The following ZNF121 variants were observed in gnomAD, a reference collection of about 807,000 sequenced individuals.
ZNF121 encodes the protein zinc finger protein 121.
In ZNF121, 1 loss-of-function variant was observed where a neutral mutation model predicts 2.4. That is an observed-to-expected ratio of 0.41 (90% CI 0.15 to 1.94). The LOEUF (loss-of-function observed/expected upper bound fraction) is 1.94. Ranked by LOEUF, ZNF121 falls within the 30% of genes most tolerant of loss-of-function variation. The probability of loss-of-function intolerance (pLI) is 0.30; values close to 1 mark genes in which losing one functional copy is unlikely to be tolerated. For missense variants in ZNF121, 369 were observed against 466.3 expected, an observed-to-expected ratio of 0.79 and a Z score of 1.92; for synonymous variants, 173 against 158.6, an observed-to-expected ratio of 1.09 and a Z score of -0.68.
rs1272909258 is a variant in ZNF121 at position 9,562,447 on chromosome 19, A to G, written c.*3493T>C. 1 of 288,002 alleles carries G rather than the reference A, an allele frequency of 3.5e-6. No individual in the cohort carries two copies. Among genetic ancestry groups the G allele is most frequent in the Non-Finnish European group, 7.8e-6 (1 of 128,380 alleles). 17.8% of individuals were successfully genotyped at this position (288,002 alleles called of 1,614,324 possible). On this transcript the variant is annotated 3_prime_UTR_variant, in exon 4 of 4. Coordinates refer to ENST00000320451, the MANE Select transcript of ZNF121 (RefSeq NM_001008727.5). ...TCAAGGTGCTGGGATTACAGGTGTG[A>G]GCCACCGTGCCCGGCTGCTCTGTGA...
chr19:9,563,007 A>G lies in ZNF121; in HGVS notation c.*2933T>C, dbSNP rs952125940. On this transcript the variant is annotated 3_prime_UTR_variant, in exon 4 of 4. Coordinates refer to ENST00000320451, the MANE Select transcript of ZNF121 (RefSeq NM_001008727.5). ...CGTAAGTTTGAGGCTGCAATGGGCTATAACTGTACTACACTCCAGCCTGGG... is the reference window on the plus strand; with the variant it reads ...CGTAAGTTTGAGGCTGCAATGGGCTGTAACTGTACTACACTCCAGCCTGGG... The G allele has an allele frequency of 6.7e-6, 1 of 149,222 alleles. No homozygotes were observed. The highest frequency in any genetic ancestry group is 2.1e-4 in the South Asian group (1 of 4,654). The allele number at this position is 149,222 out of a possible 1,614,324, so 9.2% of individuals were successfully genotyped here.
chr19:9,566,871 G>A lies in ZNF121; in HGVS notation c.242C>T (p.Thr81Met), dbSNP rs146163622. ...TTCAAAGGATTTGTCTCCTATCCAC[G>A]TTCTCTGGTGAACATTTGGTGGCAG... ...FSLPPNVHQR[T>M]WIGDKSFEYS... Residue 81 changes from threonine to methionine, a missense_variant, in exon 4 of 4, where the codon ACG becomes ATG. By Grantham distance (81) the Thr-to-Met change is moderately conservative. Coordinates refer to ENST00000320451, the MANE Select transcript of ZNF121 (RefSeq NM_001008727.5). 2,223 of 1,614,150 alleles carry A rather than the reference G, an allele frequency of 1.4e-3. 5 individuals carry two copies. The highest frequency in any genetic ancestry group is 2.1e-3 in the Middle Eastern group (13 of 6,060).
rs1008201215 is a variant in ZNF121, at chr19:9,584,471, G to A, written c.-170C>T. 4.6e-5 allele frequency: 7 copies of A among 152,314 alleles called. No individual in the cohort carries two copies. Among genetic ancestry groups the A allele is most frequent in the Admixed American group, 2.6e-4 (4 of 15,274 alleles). 9.4% of individuals were successfully genotyped at this position (152,314 alleles called of 1,614,324 possible). A position where few individuals can be genotyped will look rare whatever the true frequency, so the allele number is the denominator to read the frequency against. On this transcript the variant is annotated 5_prime_UTR_variant, in exon 1 of 4. Coordinates refer to ENST00000320451, the MANE Select transcript of ZNF121 (RefSeq NM_001008727.5). ...GCAGGCGGAACTCACCACAGCCAGGGTGGACTCCACCACGATAAAGGCGAA... is the reference window on the plus strand; with the variant it reads ...GCAGGCGGAACTCACCACAGCCAGGATGGACTCCACCACGATAAAGGCGAA...
intron 1 of ZNF121, among the ~76,000 whole-genome samples, chr19:9,576,330 C>CCA (rs2074209914): frequency 7.2e-6 from 1 of 138,774 alleles, no homozygotes; most frequent in African/African-American, 2.6e-5. Flanking sequence ...CCTGTCCCTT[C>CCA]AAAAAAAAAA....
rs1464156750 is a variant in ZNF121 at position 9,561,974 on chromosome 19, T to A, written c.*3966A>T. The A allele has an allele frequency of 6.6e-6, 1 of 152,060 alleles. No individual in the cohort carries two copies. Among genetic ancestry groups the A allele is most frequent in the Non-Finnish European group, 1.5e-5 (1 of 68,022 alleles). 9.4% of individuals were successfully genotyped at this position (152,060 alleles called of 1,614,324 possible). ...AGCTACAGACATACCTCATGTTACT[T>A]CACTTTGCTTCATCTCACTTTACAG... is the stretch of plus-strand genomic sequence containing the variant. On this transcript the variant is annotated 3_prime_UTR_variant, in exon 4 of 4. Coordinates refer to ENST00000320451, the MANE Select transcript of ZNF121 (RefSeq NM_001008727.5).
chr19:9,561,896 G>C lies in ZNF121; in HGVS notation c.*4044C>G, dbSNP rs200622473. On this transcript the variant is annotated 3_prime_UTR_variant, in exon 4 of 4. Coordinates refer to ENST00000320451, the MANE Select transcript of ZNF121 (RefSeq NM_001008727.5). ...GCAAGACCCCAATGCAGACCAAAAA[G>C]AAAAAAAAAAAAAAGGAAAAGAAAA... 2.8e-5 allele frequency: 3 copies of C among 107,690 alleles called. No individual in the cohort carries two copies. Among genetic ancestry groups the C allele is most frequent in the African/African-American group, 9.7e-5 (3 of 31,072 alleles). The allele number at this position is 107,690 out of a possible 1,614,324, so 6.7% of individuals were successfully genotyped here. A position where few individuals can be genotyped will look rare whatever the true frequency, so the allele number is the denominator to read the frequency against.
chr19:9,577,324 C>T (rs1185630473), intron 1 of ZNF121, among the ~76,000 whole-genome samples: 2 of 151,974 alleles, frequency 1.3e-5, no homozygotes, highest in Non-Finnish European at 2.9e-5. Flanking sequence ...GGCATGTGCG[C>T]CTGTAGTCCC....
At position 9,562,002 on chromosome 19, in the gene ZNF121, A is replaced by G. The variant is rs190805171; in HGVS notation, c.*3938T>C. Reference sequence around the variant, plus strand: ...CTTTGCTTCATCTCACTTTACAGATATTTTTCACAAGTAGAAGTCCTGTGG... The same window carrying G: ...CTTTGCTTCATCTCACTTTACAGATGTTTTTCACAAGTAGAAGTCCTGTGG... On this transcript the variant is annotated 3_prime_UTR_variant, in exon 4 of 4. Coordinates refer to ENST00000320451, the MANE Select transcript of ZNF121 (RefSeq NM_001008727.5). 1 of 152,174 alleles carries G rather than the reference A, an allele frequency of 6.6e-6. No homozygotes were observed. The highest frequency in any genetic ancestry group is 6.6e-5 in the Admixed American group (1 of 15,266). The allele number at this position is 152,174 out of a possible 1,614,324, so 9.4% of individuals were successfully genotyped here. A position where few individuals can be genotyped will look rare whatever the true frequency, so the allele number is the denominator to read the frequency against.
At chr19:9,567,758 C>A in intron 3 of ZNF121, 1 of 265,164 alleles carries the variant, frequency 3.8e-6, no homozygotes, top group Non-Finnish European at 7.7e-6. Context: ...AGCACACAAT[C>A]TAGAACCCTC....
In ZNF121 at chr19:9,565,351, TACAAAAA is replaced by T. The variant is rs1454415448; in HGVS notation, c.*582_*588del. On this transcript the variant is annotated 3_prime_UTR_variant, in exon 4 of 4. Coordinates refer to ENST00000320451, the MANE Select transcript of ZNF121 (RefSeq NM_001008727.5). ...AAAAGAATGTGTATTAACAACGACT[TACAAAAA>T]AAAAAAAAAAAAAAAAAAAAAAAAA... 28 of 37,376 alleles carry T rather than the reference TACAAAAA, an allele frequency of 7.5e-4. 3 individuals are homozygous for T. The highest frequency in any genetic ancestry group is 1.7e-3 in the African/African-American group (28 of 16,904). The allele number at this position is 37,376 out of a possible 1,614,324, so 2.3% of individuals were successfully genotyped here. A position where few individuals can be genotyped will look rare whatever the true frequency, so the allele number is the denominator to read the frequency against.
At position 9,563,260 on chromosome 19, in the gene ZNF121, C is replaced by T. The variant is rs929602194; in HGVS notation, c.*2680G>A. The T allele has an allele frequency of 1.1e-4, 17 of 152,098 alleles. No individual in the cohort carries two copies. Among genetic ancestry groups the T allele is most frequent in the African/African-American group, 4.1e-4 (17 of 41,412 alleles). 9.4% of individuals were successfully genotyped at this position (152,098 alleles called of 1,614,324 possible). On this transcript the variant is annotated 3_prime_UTR_variant, in exon 4 of 4. Coordinates refer to ENST00000320451, the MANE Select transcript of ZNF121 (RefSeq NM_001008727.5). ...GAAGATCAGACCAGCCACAACATTC[C>T]CTTAAGCCAAAACCTAATCCAGAGC...
intron 1 of ZNF121, among the ~76,000 whole-genome samples, chr19:9,583,943 A>G (rs528231543): frequency 1.3e-5 from 2 of 152,098 alleles, no homozygotes; most frequent in African/African-American, 4.8e-5. Context: ...CTAAACGACT[A>G]TTTTTTTTCC....
At chr19:9,569,659 G>A (rs532404772) in intron 1 of ZNF121, among the ~76,000 whole-genome samples, 5 of 151,116 alleles carry the variant, frequency 3.3e-5, no homozygotes, top group Admixed American at 2.6e-4. Flanking sequence ...AGCCTCGTGA[G>A]CAGCTGGGGT....
chr19:9,577,293 C>T (rs2074217566), intron 1 of ZNF121, among the ~76,000 whole-genome samples: 1 of 151,390 alleles, frequency 6.6e-6, no homozygotes, highest in Non-Finnish European at 1.5e-5. Context: ...AAAAAAAACA[C>T]AAAAGTTAGC....
rs367631636 is a variant in ZNF121, at chr19:9,574,618, C to A, written c.-159-5536G>T. On this transcript the variant is annotated intron_variant, in intron 1 of 3. Transcript: ENST00000320451. Reference sequence around the variant, plus strand: ...CTGGAATGGAACCTCACATTTTGTACTTGTTTTGATTGGCTTAGAACTTTT... The same window carrying A: ...CTGGAATGGAACCTCACATTTTGTAATTGTTTTGATTGGCTTAGAACTTTT... 2.1e-4 allele frequency among the ~76,000 whole-genome samples: 32 copies of A among 152,212 alleles called. No individual in the cohort carries two copies. The East Asian group carries it at 2.9e-3, about 14-fold the overall frequency.
At chr19:9,570,750 G>T (rs908726559) in intron 1 of ZNF121, among the ~76,000 whole-genome samples, 13 of 151,772 alleles carry the variant, frequency 8.6e-5, no homozygotes, top group South Asian at 2.1e-4. Flanking sequence ...GCGAGGGGGG[G>T]GGGTATTTTT....
intron 1 of ZNF121, among the ~76,000 whole-genome samples, chr19:9,580,925 G>T (rs1568216000): frequency 6.6e-6 from 1 of 152,188 alleles, no homozygotes; most frequent in Non-Finnish European, 1.5e-5. Context: ...CATGGGACAT[G>T]AAGTAACTAA....
In ZNF121 at chr19:9,568,189, G is replaced by GA; in HGVS notation, c.-78-15dup. On this transcript the variant is annotated splice_polypyrimidine_tract_variant and intron_variant, in intron 2 of 3. Transcript: ENST00000320451. The stretch of plus-strand genomic sequence containing the variant: ...TAACTTGCCATTCTGAAGTAAAACA[G>GA]AAAAAAAGAAAAAAAAATAGGGTCT... 3.2e-6 allele frequency: 4 copies of GA among 1,246,116 alleles called. No individual in the cohort carries two copies. The highest frequency in any genetic ancestry group is 1.7e-5 in the South Asian group (1 of 57,610). 77.2% of individuals were successfully genotyped at this position (1,246,116 alleles called of 1,614,324 possible).
intron 1 of ZNF121, among the ~76,000 whole-genome samples, chr19:9,570,402 C>T (rs939723618): frequency 2.0e-5 from 3 of 152,102 alleles, no homozygotes; most frequent in South Asian, 2.1e-4. Flanking sequence ...CCCACTCCCC[C>T]GCCCTTTGTT....
Sources: allele counts gnomAD v4.1 joint callset (sites outside exome capture counted in the v4.1 genomes callset), GRCh38; gene constraint gnomAD v4.1.1; transcripts MANE v1.5; gene names NCBI Gene and HGNC (gene_info 2026-07-23, HGNC 2026-07-21).